TXNDC8: variants seen among roughly 807,000 people sequenced by gnomAD.
TXNDC8 encodes the protein thioredoxin domain containing 8.
Under a neutral mutation model 12.9 loss-of-function variants are expected in TXNDC8, and 15 were observed. That is an observed-to-expected ratio of 1.16 (90% confidence interval 0.78 to 1.79). The LOEUF (loss-of-function observed/expected upper bound fraction) is 1.79. TXNDC8 is among the 40% of genes most tolerant of loss of function. TXNDC8 has a pLI of 0.00. For synonymous variants in TXNDC8, 40 were observed against 35.4 expected, an observed-to-expected ratio of 1.13 and a Z score of -0.46; for missense variants, 128 against 113.2, an observed-to-expected ratio of 1.13 and a Z score of -0.59.
At chr9:110,303,812 T>C in intron 4 of TXNDC8, 1 of 900,718 alleles carries the variant, frequency 1.1e-6, no homozygotes, top group South Asian at 1.7e-5. Context: ...ATCTCTATAA[T>C]TCTCCATAAT....
intron 2 of TXNDC8, among the ~76,000 whole-genome samples, chr9:110,328,907 A>T (rs1453018604): frequency 6.6e-6 from 1 of 152,216 alleles, no homozygotes; most frequent in Non-Finnish European, 1.5e-5. Flanking sequence ...GTCTCCCTAG[A>T]GCAACTCTGC....
At chr9:110,309,581 G>A (rs550256215) in intron 3 of TXNDC8, among the ~76,000 whole-genome samples, 11 of 152,248 alleles carry the variant, frequency 7.2e-5, no homozygotes, top group South Asian at 2.1e-4. Context: ...GGTGATCTGC[G>A]CATCTTGACC....
In TXNDC8 at chr9:110,326,700, T is replaced by A. The variant is rs116821757; in HGVS notation, c.130-460A>T. Among the ~76,000 whole-genome samples, 592 of 152,348 alleles carry A rather than the reference T, an allele frequency of 3.9e-3. 9 individuals carry two copies. The highest frequency in any genetic ancestry group is 0.014 in the African/African-American group (576 of 41,588). On this transcript the variant is annotated intron_variant, in intron 2 of 4. Transcript: ENST00000423740. ...GCATTTTAAGTAAGGCTTATACATGTCTTTCTTTTAAGTCCTTCACTGCCA... is the reference window on the plus strand; with the variant it reads ...GCATTTTAAGTAAGGCTTATACATGACTTTCTTTTAAGTCCTTCACTGCCA...
chr9:110,318,158 A>T (rs975242175), intron 3 of TXNDC8, among the ~76,000 whole-genome samples: 1 of 152,218 alleles, frequency 6.6e-6, no homozygotes, highest in African/African-American at 2.4e-5. Flanking sequence ...AAGTAGGGCC[A>T]TACCACATAG....
chr9:110,324,181 A>G (rs963871432), intron 3 of TXNDC8, among the ~76,000 whole-genome samples: 2 of 152,236 alleles, frequency 1.3e-5, no homozygotes, highest in Non-Finnish European at 2.9e-5. Flanking sequence ...ATCAAGCTGC[A>G]TGGATGAAAC....
chr9:110,323,783 G>GT (rs1319627680), intron 3 of TXNDC8: 13 of 1,465,540 alleles, frequency 8.9e-6, no homozygotes, highest in Non-Finnish European at 1.2e-5. Context: ...TGGTAGATTC[G>GT]TTTTCAGGTT....
chr9:110,334,558 A>G (rs530229412), intron 1 of TXNDC8, among the ~76,000 whole-genome samples: 1 of 152,258 alleles, frequency 6.6e-6, no homozygotes, highest in East Asian at 1.9e-4. Flanking sequence ...TAGTTCTTAA[A>G]AACCTTAACC....
intron 3 of TXNDC8, among the ~76,000 whole-genome samples, chr9:110,316,547 A>G (rs1033522349): frequency 6.6e-6 from 1 of 152,198 alleles, no homozygotes; most frequent in Non-Finnish European, 1.5e-5. Context: ...GGAGGAGCTA[A>G]ATAAAAATCA....
At chr9:110,322,396 C>A (rs991379835) in intron 3 of TXNDC8, 1 of 985,332 alleles carries the variant, frequency 1.0e-6, no homozygotes. Flanking sequence ...GATTTGAGAT[C>A]TTTAGTGATC....
At chr9:110,318,291 C>G (rs1385899040) in intron 3 of TXNDC8, among the ~76,000 whole-genome samples, 1 of 152,164 alleles carries the variant, frequency 6.6e-6, no homozygotes, top group Admixed American at 6.6e-5. Context: ...TGCGCTTTTT[C>G]TCTGTATTCT....
rs184810013 is a variant in TXNDC8 at position 110,307,597 on chromosome 9, A to G, written c.196-3065T>C. Among the ~76,000 whole-genome samples the G allele has an allele frequency of 1.7e-3, 253 of 152,324 alleles. 2 individuals carry two copies. Among genetic ancestry groups the G allele is most frequent in the Non-Finnish European group, 4.3e-4 (29 of 68,036 alleles). ...AAATAAATCTTGGGGTCCCCAAATC[A>G]CTAAGCTAAAGGGAAAAGTCAAGCT... is the stretch of plus-strand genomic sequence containing the variant. On this transcript the variant is annotated intron_variant, in intron 3 of 4. Transcript: ENST00000423740.
chr9:110,322,874 T>C, intron 3 of TXNDC8: 1 of 985,424 alleles, frequency 1.0e-6, no homozygotes, highest in Non-Finnish European at 1.2e-6. Context: ...TTCTATCCAC[T>C]TGGGATTCTT....
intron 3 of TXNDC8, among the ~76,000 whole-genome samples, chr9:110,313,020 C>T (rs1838744658): frequency 6.6e-6 from 1 of 152,164 alleles, no homozygotes; most frequent in African/African-American, 2.4e-5. Flanking sequence ...ATTCTCCTGC[C>T]TCAGCCTCCC....
chr9:110,334,153 G>A, intron 2 of TXNDC8, 63 bp downstream of exon 2: 2 of 1,415,196 alleles, frequency 1.4e-6, no homozygotes, highest in Non-Finnish European at 1.9e-6. Context: ...GAATTACTGG[G>A]AAAAATATTC....
rs995128040 is a variant in TXNDC8, at chr9:110,337,813, T to C, written c.-17A>G. On this transcript the variant is annotated 5_prime_UTR_variant, in exon 1 of 5. Coordinates refer to ENST00000423740, the MANE Select transcript of TXNDC8 (RefSeq NM_001286946.2). ...CTGTACCATGATTACACCAGGGAAG[T>C]GCTGATGAAAATCCCCTGTTGGTTT... is the stretch of plus-strand genomic sequence containing the variant. 2 of 1,613,512 alleles carry C rather than the reference T, an allele frequency of 1.2e-6. No homozygotes were observed. Among genetic ancestry groups the C allele is most frequent in the East Asian group, 2.2e-5 (1 of 44,852 alleles).
Position 110,326,241 on chromosome 9 carries a change from C to T in TXNDC8, c.130-1G>A. On this transcript the variant is annotated splice_acceptor_variant, in intron 2 of 4. Transcript: ENST00000423740. LOFTEE classifies it high-confidence loss of function. ...TGATGTGACAAGTTTCAGCCAGCTCCTGGGAAAGCAAAGAAATGGCATGAA... is the reference window on the plus strand; with the variant it reads ...TGATGTGACAAGTTTCAGCCAGCTCTTGGGAAAGCAAAGAAATGGCATGAA... 6.2e-7 allele frequency: 1 copy of T among 1,613,950 alleles called. No homozygotes were observed. Among genetic ancestry groups the T allele is most frequent in the Non-Finnish European group, 8.5e-7 (1 of 1,179,920 alleles).
chr9:110,314,431 C>CT (rs1564097890), intron 3 of TXNDC8, among the ~76,000 whole-genome samples: 24 of 126,512 alleles, frequency 1.9e-4, no homozygotes, highest in African/African-American at 6.0e-4. Flanking sequence ...TTTTCTTTTT[C>CT]TTTTTTCTTT....
At chr9:110,305,951 T>C (rs978105422) in intron 3 of TXNDC8, among the ~76,000 whole-genome samples, 1 of 151,758 alleles carries the variant, frequency 6.6e-6, no homozygotes, top group Non-Finnish European at 1.5e-5. Flanking sequence ...CTCAGCTCAC[T>C]GCAACCTCAG....
At chr9:110,334,080 A>T in intron 2 of TXNDC8, 136 bp downstream of exon 2, 1 of 604,864 alleles carries the variant, frequency 1.7e-6, no homozygotes, top group Non-Finnish European at 2.9e-6. Context: ...TATTATCTTC[A>T]GTTAATCAGG....
Sources: allele counts gnomAD v4.1 joint callset (sites outside exome capture counted in the v4.1 genomes callset), GRCh38; gene constraint gnomAD v4.1.1; transcripts MANE v1.5; gene names NCBI Gene and HGNC (gene_info 2026-07-23, HGNC 2026-07-21).